The following GPC6 variants were observed in gnomAD, a reference collection of about 807,000 sequenced individuals.
GPC6 encodes the protein glypican 6.
A neutral mutation model predicts 55.2 loss-of-function variants in GPC6; 14 were observed. The ratio of observed to expected loss-of-function variants is 0.25; its 90% CI spans 0.17 to 0.40. The LOEUF (loss-of-function observed/expected upper bound fraction) is 0.40. Ranked by LOEUF, GPC6 falls within the 10% of genes least tolerant of loss-of-function variation. The probability of loss-of-function intolerance (pLI) is 1.00; values close to 1 mark genes in which losing one functional copy is unlikely to be tolerated. For synonymous variants in GPC6, 278 were observed against 259.6 expected (o/e 1.07, Z -0.68); for missense variants, 641 against 708.5 (o/e 0.90, Z 1.08).
intron 2 of GPC6, among the ~76,000 whole-genome samples, chr13:93,672,217 G>A (rs1205768691): frequency 1.4e-5 from 2 of 144,928 alleles, no homozygotes; most frequent in African/African-American, 5.2e-5. Context: ...GTGTGTATAT[G>A]TGTGTGTGTG....
chr13:93,435,293 T>C (rs1877528133), intron 1 of GPC6, among the ~76,000 whole-genome samples: 2 of 151,814 alleles, frequency 1.3e-5, no homozygotes, highest in African/African-American at 4.8e-5. Context: ...ATTATTATTA[T>C]TATTTAGTGA....
At chr13:93,894,806 C>G (rs1286343571) in intron 3 of GPC6, among the ~76,000 whole-genome samples, 1 of 151,924 alleles carries the variant, frequency 6.6e-6, no homozygotes, top group Non-Finnish European at 1.5e-5. Context: ...TGGGAATACA[C>G]ATAAAAATTC....
In GPC6 at chr13:93,502,431, A is replaced by G. The variant is rs563210338; in HGVS notation, c.161-42832A>G. 3.3e-5 allele frequency among the ~76,000 whole-genome samples: 5 copies of G among 152,232 alleles called. No homozygotes were observed. The East Asian group carries it at 7.7e-4, about 24-fold the overall frequency. ...AGAATGTGTTCTTCAATTTTTGCCAAACTCTTACATCTATACCCAACCTGT... is the reference window on the plus strand; with the variant it reads ...AGAATGTGTTCTTCAATTTTTGCCAGACTCTTACATCTATACCCAACCTGT... On this transcript the variant is annotated intron_variant, in intron 1 of 8. Coordinates refer to ENST00000377047, the MANE Select transcript of GPC6 (RefSeq NM_005708.5).
chr13:94,347,761 C>A lies in GPC6; in HGVS notation c.1153-34653C>A, dbSNP rs535374875. Among the ~76,000 whole-genome samples the A allele has an allele frequency of 4.0e-4, 61 of 152,314 alleles. No homozygotes were observed. In the South Asian group the frequency reaches 5.4e-3, roughly 13 times the overall value. On this transcript the variant is annotated intron_variant, in intron 6 of 8. Transcript: ENST00000377047. ...AATGTAGAGATTTGGATGAGGACTT[C>A]TTTTAAATAAAGCTACACAAAAAAC...
At chr13:94,029,586 T>C (rs9301926) in intron 4 of GPC6, among the ~76,000 whole-genome samples, 20,667 of 152,226 alleles carry the variant, frequency 0.14, 1,652 homozygotes, top group East Asian at 0.33. Flanking sequence ...CGTAGCATCA[T>C]TTGGAGTCAT....
At chr13:94,115,594 C>T (rs1300601839) in intron 4 of GPC6, among the ~76,000 whole-genome samples, 3 of 152,028 alleles carry the variant, frequency 2.0e-5, no homozygotes, top group Non-Finnish European at 4.4e-5. Flanking sequence ...GATCTGTAAT[C>T]CAGGTAGAAG....
intron 2 of GPC6, among the ~76,000 whole-genome samples, chr13:93,666,204 G>T (rs545502080): frequency 3.2e-4 from 49 of 152,266 alleles, no homozygotes; most frequent in Non-Finnish European, 6.2e-4. Flanking sequence ...AAATCTGTGA[G>T]CAAATAAATA....
intron 1 of GPC6, among the ~76,000 whole-genome samples, chr13:93,524,352 A>G (rs1363116205): frequency 1.3e-5 from 2 of 151,998 alleles, no homozygotes; most frequent in African/African-American, 4.8e-5. Flanking sequence ...TGAACATTGG[A>G]AGTAAGTTGC....
chr13:93,890,050 C>G (rs372273345), intron 3 of GPC6, among the ~76,000 whole-genome samples: 1 of 152,058 alleles, frequency 6.6e-6, no homozygotes, highest in Non-Finnish European at 1.5e-5. Context: ...AAGATGGTTA[C>G]AGTAAAACCA....
intron 1 of GPC6, among the ~76,000 whole-genome samples, chr13:93,323,304 TTAAG>T (rs1319317976): frequency 6.6e-6 from 1 of 152,220 alleles, no homozygotes; most frequent in East Asian, 1.9e-4. Context: ...GACAAACTTA[TTAAG>T]TAATAGGAAA....
At chr13:93,323,992 C>T (rs1168016289) in intron 1 of GPC6, among the ~76,000 whole-genome samples, 1 of 152,136 alleles carries the variant, frequency 6.6e-6, no homozygotes, top group African/African-American at 2.4e-5. Context: ...ATCTGCACAA[C>T]CATGTTTGTT....
intron 1 of GPC6, among the ~76,000 whole-genome samples, chr13:93,356,595 A>C (rs1248973946): frequency 2.0e-5 from 3 of 152,198 alleles, no homozygotes; most frequent in African/African-American, 7.2e-5. Flanking sequence ...ATGTCCAGTA[A>C]AAGTCACTCT....
chr13:93,740,677 C>A (rs933085046), intron 2 of GPC6, among the ~76,000 whole-genome samples: 21 of 152,202 alleles, frequency 1.4e-4, no homozygotes, highest in South Asian at 8.3e-4. Context: ...AAGCAAGTGG[C>A]AGTTCAGCTT....
At chr13:93,587,330 A>G (rs1260817938) in intron 2 of GPC6, among the ~76,000 whole-genome samples, 1 of 152,168 alleles carries the variant, frequency 6.6e-6, no homozygotes, top group African/African-American at 2.4e-5. Flanking sequence ...CCAGGCACAT[A>G]TACACTATAA....
intron 2 of GPC6, among the ~76,000 whole-genome samples, chr13:93,601,944 C>G (rs1208975386): frequency 1.3e-5 from 2 of 152,168 alleles, no homozygotes; most frequent in Non-Finnish European, 2.9e-5. Context: ...TAATCTTTTT[C>G]TGGAGGAAAT....
At chr13:93,437,135 A>G (rs1422467584) in intron 1 of GPC6, among the ~76,000 whole-genome samples, 1 of 152,102 alleles carries the variant, frequency 6.6e-6, no homozygotes, top group East Asian at 1.9e-4. Flanking sequence ...AAGCAAACTT[A>G]TTTGAAAAAT....
At chr13:94,230,214 T>C (rs757888013) in intron 4 of GPC6, among the ~76,000 whole-genome samples, 1 of 152,136 alleles carries the variant, frequency 6.6e-6, no homozygotes, top group Non-Finnish European at 1.5e-5. Context: ...CTTCCTTATC[T>C]AGAGAAAAGG....
At chr13:93,467,228 G>C (rs1594190463) in intron 1 of GPC6, among the ~76,000 whole-genome samples, 1 of 152,246 alleles carries the variant, frequency 6.6e-6, no homozygotes, top group African/African-American at 2.4e-5. Context: ...CACCAACCAA[G>C]TTACTAAGCA....
chr13:93,815,520 C>T (rs1886819785), intron 2 of GPC6, among the ~76,000 whole-genome samples: 1 of 152,070 alleles, frequency 6.6e-6, no homozygotes, highest in Non-Finnish European at 1.5e-5. Flanking sequence ...GATACTTTAT[C>T]AAATGATTAA....
Sources: gnomAD v4.1 joint callset for allele counts (sites outside exome capture counted in the v4.1 genomes callset) on GRCh38, gnomAD v4.1.1 for gene constraint, MANE v1.5 for transcripts, NCBI Gene and HGNC (gene_info 2026-07-23, HGNC 2026-07-21) for gene names.